The following EHHADH variants were observed in gnomAD, a reference collection of about 807,000 sequenced individuals.
EHHADH encodes enoyl-CoA hydratase and 3-hydroxyacyl CoA dehydrogenase, also known as peroxisomal bifunctional enzyme.
Under a neutral mutation model 64.4 loss-of-function variants are expected in EHHADH, and 48 were observed. The ratio of observed to expected loss-of-function variants is 0.75; its 90% confidence interval spans 0.59 to 0.95. The LOEUF (loss-of-function observed/expected upper bound fraction) is 0.95. Ranked by LOEUF, EHHADH falls within the 40% of genes least tolerant of loss-of-function variation. EHHADH has a pLI of 0.00. For missense variants in EHHADH, 854 were observed against 876.6 expected (o/e 0.97, Z 0.33); for synonymous variants, 308 against 326.7 (o/e 0.94, Z 0.62).
chr3:185,206,078 A>C (rs1718382385), intron 5 of EHHADH, among the ~76,000 whole-genome samples: 2 of 152,010 alleles, frequency 1.3e-5, no homozygotes, highest in South Asian at 4.2e-4. Context: ...ATACGATCTC[A>C]AACGTGGTTT....
intron 2 of EHHADH, among the ~76,000 whole-genome samples, chr3:185,244,525 T>C (rs142876727): frequency 1.3e-5 from 2 of 152,222 alleles, no homozygotes; most frequent in East Asian, 3.9e-4. Context: ...AAAAAATGAG[T>C]TGGGAAGTGT....
At chr3:185,253,653 C>G (rs1046066446) in intron 1 of EHHADH, among the ~76,000 whole-genome samples, 1 of 151,094 alleles carries the variant, frequency 6.6e-6, no homozygotes, top group Admixed American at 6.6e-5. Flanking sequence ...AAGGACAGGT[C>G]GAGGCCAACT....
chr3:185,196,597 G>A (rs138102476), intron 6 of EHHADH, among the ~76,000 whole-genome samples: 293 of 152,224 alleles, frequency 1.9e-3, no homozygotes, highest in African/African-American at 6.8e-3. Flanking sequence ...CCGAAATCAC[G>A]CCGTTGCACT....
At chr3:185,224,816 G>C (rs1425412247) in intron 4 of EHHADH, among the ~76,000 whole-genome samples, 2 of 152,146 alleles carry the variant, frequency 1.3e-5, no homozygotes, top group East Asian at 3.9e-4. Context: ...CCAGCACATA[G>C]TGTCTTCTCT....
At chr3:185,204,907 A>G in intron 5 of EHHADH, 150 bp from the exon 6 acceptor site, 4 of 633,270 alleles carry the variant, frequency 6.3e-6, no homozygotes, top group Non-Finnish European at 1.1e-5. Flanking sequence ...ACATATGTAC[A>G]CTAACATCTC....
chr3:185,202,978 A>C (rs1363337151), intron 6 of EHHADH, among the ~76,000 whole-genome samples: 1 of 143,472 alleles, frequency 7.0e-6, no homozygotes, highest in Non-Finnish European at 1.5e-5. Context: ...TGGTTGCCAA[A>C]GGCCAGGAAG....
chr3:185,208,729 T>C (rs1718462754), intron 5 of EHHADH, among the ~76,000 whole-genome samples: 1 of 152,212 alleles, frequency 6.6e-6, no homozygotes, highest in Non-Finnish European at 1.5e-5. Flanking sequence ...CTACAAATAT[T>C]CATGGCAGCA....
chr3:185,232,443 T>C (rs977406569), intron 3 of EHHADH, among the ~76,000 whole-genome samples: 1 of 152,184 alleles, frequency 6.6e-6, no homozygotes, highest in Non-Finnish European at 1.5e-5. Flanking sequence ...CCGCCACTTA[T>C]AATGATTTTT....
intron 4 of EHHADH, among the ~76,000 whole-genome samples, chr3:185,220,385 CATAA>C (rs1405761345): frequency 6.6e-6 from 1 of 152,098 alleles, no homozygotes; most frequent in African/African-American, 2.4e-5. Flanking sequence ...TGTTTAGATA[CATAA>C]ATACTTTCCA....
rs757522486 is a variant in EHHADH, at chr3:185,204,599, A to G, written c.727T>C (p.Tyr243His). 9.3e-6 allele frequency: 15 copies of G among 1,614,104 alleles called. No homozygotes were observed. In the South Asian group the frequency reaches 1.5e-4, roughly 17 times the overall value. ...CVRAVQAAVQ[Y>H]PYEVGIKKEE... is the part of the protein sequence containing the mutation. ...TTCTTGATGCCCACTTCATAGGGAT[A>G]CTGCACAGCAGCCTGGACTGCACGG... The change falls in exon 6 of 7, where the codon TAT (tyrosine) becomes CAT (histidine). Residue 243 changes from tyrosine (Y) to histidine (H), a missense_variant. Transcript: ENST00000231887.
intron 5 of EHHADH, among the ~76,000 whole-genome samples, chr3:185,217,841 T>G (rs1718729851): frequency 6.6e-6 from 1 of 151,220 alleles, no homozygotes; most frequent in Admixed American, 6.6e-5. Flanking sequence ...CTCGGCTCAC[T>G]GCAAGCTCCG....
intron 2 of EHHADH, among the ~76,000 whole-genome samples, chr3:185,247,061 C>A (rs1719615362): frequency 6.6e-6 from 1 of 151,996 alleles, no homozygotes; most frequent in African/African-American, 2.4e-5. Flanking sequence ...TGATTTCTAG[C>A]TTAATTGCAT....
chr3:185,221,566 T>C (rs1279306841), intron 4 of EHHADH, among the ~76,000 whole-genome samples: 1 of 118,290 alleles, frequency 8.5e-6, no homozygotes, highest in Admixed American at 9.8e-5. Flanking sequence ...AGCCTCATGA[T>C]ATTTTTTTTT....
intron 6 of EHHADH, among the ~76,000 whole-genome samples, chr3:185,203,275 G>C (rs1218099714): frequency 6.6e-6 from 1 of 151,858 alleles, no homozygotes; most frequent in Non-Finnish European, 1.5e-5. Flanking sequence ...AACAAATATA[G>C]TAAAACGTTA....
chr3:185,235,161 C>G (rs1719252962), intron 3 of EHHADH, 129 bp downstream of exon 3: 11 of 874,386 alleles, frequency 1.3e-5, no homozygotes, highest in Non-Finnish European at 1.8e-5. Flanking sequence ...GCCTGGAAGA[C>G]AGAGTGAGAC....
chr3:185,201,675 T>C (rs1191903744), intron 6 of EHHADH, among the ~76,000 whole-genome samples: 1 of 152,236 alleles, frequency 6.6e-6, no homozygotes, highest in Non-Finnish European at 1.5e-5. Context: ...ACTTGATTTC[T>C]ATCTACGTGT....
chr3:185,206,249 G>T (rs1718386791), intron 5 of EHHADH, among the ~76,000 whole-genome samples: 1 of 150,974 alleles, frequency 6.6e-6, no homozygotes, highest in South Asian at 2.1e-4. Context: ...ACAAATCGTA[G>T]TGGGATAATT....
rs1717911047 is a variant in EHHADH at position 185,192,566 on chromosome 3, G to C, written c.1832C>G (p.Pro611Arg). Reference protein sequence around the residue: ...SRYRKTHHIEPRTISQDEILE... With the variant: ...SRYRKTHHIERRTISQDEILE... ...GATCTCATCCTGGCTAATGGTACGT[G>C]GTTCAATGTGATGGGTTTTTCTATA... Residue 611 changes from proline to arginine, a missense_variant, in exon 7 of 7, where the codon CCA becomes CGA. Pro to Arg is a moderately radical substitution (Grantham distance 103). Transcript: ENST00000231887. 6.2e-7 allele frequency: 1 copy of C among 1,614,148 alleles called. No homozygotes were observed. Among genetic ancestry groups the C allele is most frequent in the Non-Finnish European group, 8.5e-7 (1 of 1,180,028 alleles).
chr3:185,213,667 G>A (rs948445886), intron 5 of EHHADH, among the ~76,000 whole-genome samples: 2 of 152,018 alleles, frequency 1.3e-5, no homozygotes, highest in South Asian at 4.2e-4. Context: ...ATCACCTGAG[G>A]TCAGGAGTTC....
Sources: gnomAD v4.1 joint callset for allele counts (sites outside exome capture counted in the v4.1 genomes callset) on GRCh38, gnomAD v4.1.1 for gene constraint, MANE v1.5 for transcripts, NCBI Gene and HGNC (gene_info 2026-07-23, HGNC 2026-07-21) for gene names.